The following NDE1 variants were observed in gnomAD, a reference collection of about 807,000 sequenced individuals.
NDE1 encodes nuclear distribution protein nudE homolog 1.
NDE1 carries 28 observed loss-of-function variants against 43.4 expected under a neutral mutation model. The ratio of observed to expected loss-of-function variants is 0.65; its 90% CI spans 0.48 to 0.89. NDE1 has a LOEUF of 0.89. Among genes scored for constraint, NDE1 ranks in the 40% least tolerant of loss-of-function variants. The pLI, the probability that NDE1 is intolerant of heterozygous loss-of-function variation, is 0.00. For synonymous variants in NDE1, 184 were observed against 172.0 expected (o/e 1.07, Z -0.55); for missense variants, 441 against 434.1 (o/e 1.02, Z -0.14).
intron 3 of NDE1, 104 bp from the exon 4 acceptor site, chr16:15,677,697 G>A: frequency 7.5e-7 from 1 of 1,329,764 alleles, no homozygotes; most frequent in Non-Finnish European, 1.1e-6. Context: ...AGTCCTCCCA[G>A]TTTAGCCTCC....
At position 15,679,347 on chromosome 16, in the gene NDE1, A is replaced by T. The variant is rs551365285; in HGVS notation, c.386+1398A>T. Among the ~76,000 whole-genome samples the T allele has an allele frequency of 2.0e-5, 3 of 152,054 alleles. 1 individual carries two copies. The highest frequency in any genetic ancestry group is 1.5e-5 in the Non-Finnish European group (1 of 68,018). ...ATTCTTTTTCTCCTGTCCGTCTCGG[A>T]CGCCATCTATACACATAACCTTTTT... On this transcript the variant is annotated intron_variant, in intron 4 of 8. Transcript: ENST00000396354.
At chr16:15,714,663 G>A (rs1184255600) in intron 8 of NDE1, 7 of 594,382 alleles carry the variant, frequency 1.2e-5, no homozygotes, top group African/African-American at 7.4e-5. Flanking sequence ...CCGGAGGACC[G>A]GATGGGAGAC....
intron 8 of NDE1, chr16:15,718,821 C>T (rs2040311640): frequency 4.9e-6 from 2 of 407,996 alleles, no homozygotes; most frequent in African/African-American, 2.0e-5. Flanking sequence ...GCTTCGTCAG[C>T]AGCAGCATTG....
chr16:15,674,039 G>A (rs1206924808), intron 3 of NDE1, among the ~76,000 whole-genome samples: 2 of 152,144 alleles, frequency 1.3e-5, no homozygotes, highest in African/African-American at 4.8e-5. Context: ...GGAATTAAAC[G>A]AGACAACATA....
rs748071728 is a variant in NDE1 at position 15,724,867 on chromosome 16, A to G, written c.*616A>G. ...GAAGGCCACCCCCCAGGTCCCCTGG[A>G]TGATGTGGCAGGACACTCACCTGGG... On this transcript the variant is annotated 3_prime_UTR_variant, in exon 9 of 9. Coordinates refer to ENST00000396354, the MANE Select transcript of NDE1 (RefSeq NM_017668.3). The G allele has an allele frequency of 2.5e-6, 4 of 1,613,874 alleles. No homozygotes were observed. In the South Asian group the frequency reaches 4.4e-5, roughly 18 times the overall value.
chr16:15,714,836 G>C, intron 8 of NDE1: 1 of 1,586,648 alleles, frequency 6.3e-7, no homozygotes, highest in Non-Finnish European at 8.6e-7. Context: ...TTTGCAGGCC[G>C]AAAGGAGCCC....
chr16:15,725,733 A>G lies in NDE1; in HGVS notation c.*1482A>G, dbSNP rs896892222. 7.5e-6 allele frequency: 3 copies of G among 398,628 alleles called. No individual in the cohort carries two copies. Among genetic ancestry groups the G allele is most frequent in the African/African-American group, 6.2e-5 (3 of 48,632 alleles). 24.7% of individuals were successfully genotyped at this position (398,628 alleles called of 1,614,324 possible). ...GTCCCTGGCTGTGGACATGTTAAACATTTGTGAAAACTTTGGCCACGTCCC... is the reference window on the plus strand; with the variant it reads ...GTCCCTGGCTGTGGACATGTTAAACGTTTGTGAAAACTTTGGCCACGTCCC... On this transcript the variant is annotated 3_prime_UTR_variant, in exon 9 of 9. Transcript: ENST00000396354.
intron 2 of NDE1, among the ~76,000 whole-genome samples, chr16:15,666,554 A>T (rs1415878276): frequency 6.6e-6 from 1 of 152,138 alleles, no homozygotes; most frequent in African/African-American, 2.4e-5. Flanking sequence ...GGCTGCAGTG[A>T]CGCATGATCA....
At chr16:15,698,792 T>G (rs965214776) in intron 8 of NDE1, among the ~76,000 whole-genome samples, 1 of 151,418 alleles carries the variant, frequency 6.6e-6, no homozygotes, top group Admixed American at 6.6e-5. Flanking sequence ...ACCCAGGAAG[T>G]GGAGGTTGCA....
chr16:15,695,722 C>T, intron 7 of NDE1: 1 of 984,856 alleles, frequency 1.0e-6, no homozygotes, highest in Non-Finnish European at 1.2e-6. Flanking sequence ...GCTTGCAACT[C>T]ATTTCTTTTG....
In NDE1 at chr16:15,721,562, C is replaced by G. The variant is rs864622710; in HGVS notation, c.948-2629C>G. 3.1e-6 allele frequency: 5 copies of G among 1,614,116 alleles called. No homozygotes were observed. The highest frequency in any genetic ancestry group is 4.2e-6 in the Non-Finnish European group (5 of 1,180,062). ...AGGGACAGGGCCTTGGTTTCCTTCT[C>G]CCTGGCTTCTGCCTCAGCTCTGTCC... On this transcript the variant is annotated intron_variant, in intron 8 of 8. Transcript: ENST00000396354.
intron 4 of NDE1, among the ~76,000 whole-genome samples, chr16:15,685,482 C>T (rs117299598): frequency 0.02 from 2,969 of 152,228 alleles, 52 homozygotes; most frequent in South Asian, 0.068. Flanking sequence ...AACCCTGGGC[C>T]TCAAGCGGTC....
rs34839877 is a variant in NDE1, at chr16:15,718,452, G to A, written c.948-5739G>A. The A allele has an allele frequency of 0.031, 48,345 of 1,547,344 alleles. 1,101 individuals carry two copies. Among genetic ancestry groups the A allele is most frequent in the South Asian group, 0.085 (7,327 of 86,262 alleles). On this transcript the variant is annotated intron_variant, in intron 8 of 8. Transcript: ENST00000396354. Reference sequence around the variant, plus strand: ...TGGAGTGCGTTCCTGGGGGAAGGGCGGCCATGGTGGGGGCCTCTACCCTCC... The same window carrying A: ...TGGAGTGCGTTCCTGGGGGAAGGGCAGCCATGGTGGGGGCCTCTACCCTCC...
Position 15,664,817 on chromosome 16 carries a change from A to G in NDE1, c.39A>G (p.Glu13=), listed in dbSNP as rs1213605546. The G allele has an allele frequency of 1.2e-6, 2 of 1,613,724 alleles. No individual in the cohort carries two copies. The highest frequency in any genetic ancestry group is 1.7e-6 in the Non-Finnish European group (2 of 1,179,850). The change falls in exon 2 of 9, where the codon GAA becomes GAG. Residue 13 remains glutamate, a synonymous_variant. Transcript: ENST00000396354. The stretch of plus-strand genomic sequence containing the variant: ...GAAAGACTTTCAGCTCCGAGGAGGA[A>G]GAAGCTAACTATTGGAAAGATCTGG... ...DSGKTFSSEE[E]EANYWKDLAM... is the part of the protein sequence containing the mutation.
At chr16:15,703,124 A>T (rs1321581927) in intron 8 of NDE1, 4 of 181,670 alleles carry the variant, frequency 2.2e-5, no homozygotes, top group Non-Finnish European at 3.5e-5. Context: ...TCAACAGAAA[A>T]GCCAACGACA....
At chr16:15,698,314 T>C (rs967181665) in intron 8 of NDE1, among the ~76,000 whole-genome samples, 3 of 151,806 alleles carry the variant, frequency 2.0e-5, no homozygotes, top group African/African-American at 2.4e-5. Flanking sequence ...AGCGGATCAA[T>C]TGAGCTCTGG....
rs201108170 is a variant in NDE1, at chr16:15,719,284, G to C, written c.948-4907G>C. On this transcript the variant is annotated intron_variant, in intron 8 of 8. Transcript: ENST00000396354. Reference sequence around the variant, plus strand: ...TCCTTCTCGAGGTCCGCTTGTTTGCGAGCCCTCTCAGCGGCGGCGAGGTCC... The same window carrying C: ...TCCTTCTCGAGGTCCGCTTGTTTGCCAGCCCTCTCAGCGGCGGCGAGGTCC... 3.1e-6 allele frequency: 5 copies of C among 1,612,418 alleles called. No individual in the cohort carries two copies. The East Asian group carries it at 1.1e-4, about 36-fold the overall frequency.
intron 8 of NDE1, among the ~76,000 whole-genome samples, chr16:15,697,694 C>T (rs1480106131): frequency 6.6e-6 from 1 of 151,994 alleles, no homozygotes; most frequent in East Asian, 1.9e-4. Context: ...GCCTGGGTGA[C>T]AGAGCAAGAC....
upstream of NDE1, among the ~76,000 whole-genome samples, chr16:15,649,004 T>C (rs1334133320): frequency 6.6e-6 from 1 of 151,956 alleles, no homozygotes; most frequent in African/African-American, 2.4e-5. Context: ...GAGAGCAGCC[T>C]GGCCAACATG....
Sources: allele counts gnomAD v4.1 joint callset (sites outside exome capture counted in the v4.1 genomes callset), GRCh38; gene constraint gnomAD v4.1.1; transcripts MANE v1.5; gene names NCBI Gene and HGNC (gene_info 2026-07-23, HGNC 2026-07-21).